The following PER2 variants were observed in gnomAD, a reference collection of about 807,000 sequenced individuals.
PER2 encodes period circadian regulator 2, also known as period circadian protein homolog 2.
PER2 carries 66 observed loss-of-function variants against 121.0 expected under a neutral mutation model. The ratio of observed to expected loss-of-function variants is 0.55; its 90% CI spans 0.45 to 0.67. The LOEUF (loss-of-function observed/expected upper bound fraction) is 0.67, where lower values mean the gene tolerates loss of function less well. Among genes scored for constraint, PER2 ranks in the 30% least tolerant of loss-of-function variants. PER2 has a pLI of 0.00. For synonymous variants in PER2, 684 were observed against 659.9 expected, an observed-to-expected ratio of 1.04 and a Z score of -0.56; for missense variants, 1,521 against 1,635.0, an observed-to-expected ratio of 0.93 and a Z score of 1.20.
rs377757044 is a variant in PER2, at chr2:238,273,070, G to A, written c.570C>T (p.Ala190=). 16 of 1,613,910 alleles carry A rather than the reference G, an allele frequency of 9.9e-6. No individual in the cohort carries two copies. Among genetic ancestry groups the A allele is most frequent in the East Asian group, 6.7e-5 (3 of 44,904 alleles). The change falls in exon 5 of 23, where the codon GCC becomes GCT. Residue 190 remains alanine (A), a splice_region_variant and synonymous_variant. Coordinates refer to ENST00000254657, the MANE Select transcript of PER2 (RefSeq NM_022817.3). ...AGAAACTTTGCGGAAAGAGGCTTACGGCATTCTTCACAATGTGCTCAGAGG... is the reference window on the plus strand; with the variant it reads ...AGAAACTTTGCGGAAAGAGGCTTACAGCATTCTTCACAATGTGCTCAGAGG... ...SVTSEHIVKN[A]DMFAVAVSLV...
intron 16 of PER2, among the ~76,000 whole-genome samples, chr2:238,257,760 C>T (rs1287218698): frequency 1.3e-5 from 2 of 152,262 alleles, no homozygotes; most frequent in Non-Finnish European, 2.9e-5. Context: ...AGGCGTGAGC[C>T]ACCGCGCCCA....
Position 238,245,823 on chromosome 2 carries a change from G to T in PER2, c.*552C>A. 1.0e-5 allele frequency: 4 copies of T among 396,482 alleles called. No homozygotes were observed. The highest frequency in any genetic ancestry group is 1.8e-5 in the Non-Finnish European group (4 of 225,352). 24.6% of individuals were successfully genotyped at this position (396,482 alleles called of 1,614,324 possible). On this transcript the variant is annotated 3_prime_UTR_variant, in exon 23 of 23. Transcript: ENST00000254657. Reference sequence around the variant, plus strand: ...CAAAGCTGTTGGTTTGCCAAACAACGCTTCACACCATTTAATGTGAAACGT... The same window carrying T: ...CAAAGCTGTTGGTTTGCCAAACAACTCTTCACACCATTTAATGTGAAACGT...
At chr2:238,246,604 C>G (rs568966819) in intron 22 of PER2, 80 bp from the exon 23 acceptor site, 2 of 965,612 alleles carry the variant, frequency 2.1e-6, no homozygotes, top group Non-Finnish European at 1.6e-6. Context: ...TGGCCGGGCG[C>G]GGTGGCTCAC....
intron 1 of PER2, among the ~76,000 whole-genome samples, chr2:238,283,392 A>G (rs1696687974): frequency 6.6e-6 from 1 of 152,110 alleles, no homozygotes; most frequent in Non-Finnish European, 1.5e-5. Flanking sequence ...TGGGACTGCA[A>G]TTCCCAGTAA....
At chr2:238,285,259 T>TG (rs1696749081) in intron 1 of PER2, among the ~76,000 whole-genome samples, 2 of 121,096 alleles carry the variant, frequency 1.7e-5, no homozygotes, top group Non-Finnish European at 3.9e-5. Context: ...GTAGCTGGGT[T>TG]GCCTCAACTT....
At chr2:238,249,277 T>A in intron 21 of PER2, 65 bp from the exon 22 acceptor site, 5 of 1,469,724 alleles carry the variant, frequency 3.4e-6, no homozygotes, top group Non-Finnish European at 4.7e-6. Flanking sequence ...TTTTATTCTT[T>A]CAGAATAATG....
At chr2:238,272,451 C>G (rs1238634158) in intron 5 of PER2, among the ~76,000 whole-genome samples, 1 of 152,232 alleles carries the variant, frequency 6.6e-6, no homozygotes, top group Non-Finnish European at 1.5e-5. Flanking sequence ...GCCCTCTGGG[C>G]TCAGGGTTGG....
chr2:238,256,628 G>A (rs991061479), intron 17 of PER2, among the ~76,000 whole-genome samples: 2 of 152,144 alleles, frequency 1.3e-5, no homozygotes, highest in African/African-American at 2.4e-5. Context: ...AGTGCTCTCC[G>A]CACCAATTAA....
chr2:238,279,305 A>G (rs1259727440), intron 1 of PER2, among the ~76,000 whole-genome samples: 2 of 152,120 alleles, frequency 1.3e-5, no homozygotes, highest in Non-Finnish European at 2.9e-5. Context: ...TACAGACATG[A>G]TGCTAAGCAC....
intron 1 of PER2, among the ~76,000 whole-genome samples, chr2:238,285,016 G>A (rs1042880199): frequency 2.0e-5 from 3 of 152,088 alleles, no homozygotes; most frequent in Non-Finnish European, 4.4e-5. Flanking sequence ...AAGGCGGGTA[G>A]GGGGAGGGAG....
intron 9 of PER2, among the ~76,000 whole-genome samples, chr2:238,263,829 T>C (rs1696014239): frequency 6.6e-6 from 1 of 152,206 alleles, no homozygotes; most frequent in African/African-American, 2.4e-5. Context: ...TTTGATTTCC[T>C]CCTTCTTGTC....
intron 20 of PER2, 135 bp downstream of exon 20, chr2:238,251,464 C>G: frequency 1.3e-6 from 1 of 786,476 alleles, no homozygotes; most frequent in Non-Finnish European, 2.2e-6. Flanking sequence ...GTGTGGGTGT[C>G]TGCATGGGCT....
At chr2:238,277,662 GA>G in intron 2 of PER2, 44 bp downstream of exon 2, 1 of 1,609,988 alleles carries the variant, frequency 6.2e-7, no homozygotes, top group Non-Finnish European at 8.5e-7. Flanking sequence ...GAGCCACTGA[GA>G]AAACAACCTG....
Position 238,277,134 on chromosome 2 carries a change from C to A in PER2, c.290G>T (p.Cys97Phe). Reference protein sequence around the residue: ...KSEHNPSTSGCSSDQSSKVDT... With the variant: ...KSEHNPSTSGFSSDQSSKVDT... ...ATGAAGTTCTAATTGGCCTTACCTGCAGCCACTTGTAGATGGGTTGTGTTC... is the reference window on the plus strand; with the variant it reads ...ATGAAGTTCTAATTGGCCTTACCTGAAGCCACTTGTAGATGGGTTGTGTTC... The change falls in exon 3 of 23, where the codon TGC becomes TTC. Residue 97 changes from cysteine (C) to phenylalanine (F), a missense_variant. Transcript: ENST00000254657. 2 of 1,606,640 alleles carry A rather than the reference C, an allele frequency of 1.2e-6. No homozygotes were observed. Among genetic ancestry groups the A allele is most frequent in the Non-Finnish European group, 1.7e-6 (2 of 1,173,122 alleles).
chr2:238,279,201 G>A (rs891742732), intron 1 of PER2, among the ~76,000 whole-genome samples: 6 of 152,142 alleles, frequency 3.9e-5, no homozygotes, highest in South Asian at 2.1e-4. Context: ...CCACTCAAGC[G>A]GGGCACTGGA....
At chr2:238,281,090 G>A (rs553931003) in intron 1 of PER2, among the ~76,000 whole-genome samples, 58 of 150,378 alleles carry the variant, frequency 3.9e-4, no homozygotes, top group Non-Finnish European at 7.8e-4. Context: ...GGCAACCTCC[G>A]CCTCCTGGGT....
At chr2:238,284,499 T>C (rs2106331734) in intron 1 of PER2, among the ~76,000 whole-genome samples, 1 of 150,418 alleles carries the variant, frequency 6.6e-6, no homozygotes, top group East Asian at 2.0e-4. Context: ...GCAACAAACG[T>C]AATTTTGGAA....
At chr2:238,262,425 T>C (rs1385989208) in intron 10 of PER2, 81 bp from the exon 11 acceptor site, 1 of 1,412,180 alleles carries the variant, frequency 7.1e-7, no homozygotes, top group Non-Finnish European at 1.0e-6. Context: ...CAAGAGTCAC[T>C]CAGGCCCAGG....
intron 5 of PER2, among the ~76,000 whole-genome samples, chr2:238,272,833 C>CTA (rs1285909605): frequency 6.6e-6 from 1 of 152,212 alleles, no homozygotes; most frequent in Non-Finnish European, 1.5e-5. Context: ...CACCCATGAG[C>CTA]TACAGGACAA....
Sources: allele counts gnomAD v4.1 joint callset (sites outside exome capture counted in the v4.1 genomes callset), GRCh38; gene constraint gnomAD v4.1.1; transcripts MANE v1.5; gene names NCBI Gene and HGNC (gene_info 2026-07-23, HGNC 2026-07-21).